The following GRIK2 variants were observed in gnomAD, a reference collection of about 807,000 sequenced individuals.
The protein encoded by GRIK2 is glutamate receptor ionotropic, kainate 2.
Under a neutral mutation model 100.3 loss-of-function variants are expected in GRIK2, and 32 were observed. The ratio of observed to expected loss-of-function variants is 0.32; its 90% CI spans 0.24 to 0.43. The LOEUF is 0.43. Ranked by LOEUF, GRIK2 falls within the 20% of genes least tolerant of loss-of-function variation. The pLI is 1.00. For synonymous variants in GRIK2, 417 were observed against 389.4 expected (o/e 1.07, Z -0.83); for missense variants, 843 against 1,114.9 (o/e 0.76, Z 3.47).
chr6:101,959,033 G>A (rs1171941706), intron 14 of GRIK2, among the ~76,000 whole-genome samples: 1 of 152,008 alleles, frequency 6.6e-6, no homozygotes, highest in East Asian at 1.9e-4. Flanking sequence ...GGGTGATACT[G>A]GCTTCATAGA....
At chr6:101,762,235 C>A (rs981391171) in intron 7 of GRIK2, among the ~76,000 whole-genome samples, 27 of 151,674 alleles carry the variant, frequency 1.8e-4, no homozygotes, top group African/African-American at 6.3e-4. Context: ...AGTAGAGTGG[C>A]ACTATCATAA....
chr6:101,866,451 C>T (rs1328622320), intron 11 of GRIK2, among the ~76,000 whole-genome samples: 4 of 152,030 alleles, frequency 2.6e-5, no homozygotes, highest in East Asian at 1.9e-4. Flanking sequence ...AATATATGAA[C>T]AAGGAATTGT....
chr6:101,899,665 G>C (rs1173522640), intron 12 of GRIK2, among the ~76,000 whole-genome samples: 1 of 152,042 alleles, frequency 6.6e-6, no homozygotes, highest in Non-Finnish European at 1.5e-5. Context: ...ATGATAAAAT[G>C]AGATGAACGC....
chr6:101,901,877 G>T (rs1787867174), intron 12 of GRIK2, among the ~76,000 whole-genome samples: 1 of 151,742 alleles, frequency 6.6e-6, no homozygotes, highest in Non-Finnish European at 1.5e-5. Flanking sequence ...AATTCATTTG[G>T]ATCTACTAAA....
At chr6:101,821,206 C>T (rs1447736757) in intron 10 of GRIK2, among the ~76,000 whole-genome samples, 2 of 152,072 alleles carry the variant, frequency 1.3e-5, no homozygotes, top group African/African-American at 4.8e-5. Context: ...CATATAATTT[C>T]TCAATCTTGC....
At chr6:101,791,112 G>T (rs1434860512) in intron 7 of GRIK2, among the ~76,000 whole-genome samples, 11 of 151,710 alleles carry the variant, frequency 7.3e-5, no homozygotes, top group African/African-American at 2.2e-4. Context: ...TTCTTTATTA[G>T]TCTTGCTAGC....
chr6:101,584,587 G>T (rs1778262293), intron 2 of GRIK2, among the ~76,000 whole-genome samples: 1 of 151,920 alleles, frequency 6.6e-6, no homozygotes, highest in Admixed American at 6.6e-5. Context: ...TCAAAAGAAT[G>T]AATCATTTCT....
intron 7 of GRIK2, among the ~76,000 whole-genome samples, chr6:101,766,330 A>G (rs1290716322): frequency 1.3e-5 from 2 of 152,084 alleles, no homozygotes; most frequent in Non-Finnish European, 2.9e-5. Context: ...TCTAATCATG[A>G]CCTCAATTTT....
intron 14 of GRIK2, among the ~76,000 whole-genome samples, chr6:102,033,525 G>A (rs1457718722): frequency 6.6e-6 from 1 of 151,212 alleles, no homozygotes; most frequent in African/African-American, 2.4e-5. Context: ...TTAAACCCAT[G>A]TTTATTTTGG....
At chr6:101,666,435 T>G (rs915756235) in intron 4 of GRIK2, among the ~76,000 whole-genome samples, 12 of 152,232 alleles carry the variant, frequency 7.9e-5, no homozygotes, top group Non-Finnish European at 1.5e-4. Flanking sequence ...TTGGCTGACC[T>G]GTAGTCTCCA....
chr6:101,442,295 A>G (rs961822247), intron 2 of GRIK2, among the ~76,000 whole-genome samples: 1 of 152,128 alleles, frequency 6.6e-6, no homozygotes, highest in African/African-American at 2.4e-5. Context: ...AACACAGCAA[A>G]GTGAGATGGG....
At chr6:101,912,231 A>C (rs1472779588) in intron 12 of GRIK2, among the ~76,000 whole-genome samples, 1 of 151,504 alleles carries the variant, frequency 6.6e-6, no homozygotes, top group East Asian at 1.9e-4. Context: ...ATCCTAAAAC[A>C]TTATTTAAAA....
At position 101,916,685 on chromosome 6, in the gene GRIK2, T is replaced by C. The variant is rs575517797; in HGVS notation, c.1749-7916T>C. 2.6e-5 allele frequency among the ~76,000 whole-genome samples: 4 copies of C among 151,770 alleles called. No homozygotes were observed. In the South Asian group the frequency reaches 8.3e-4, roughly 31 times the overall value. On this transcript the variant is annotated intron_variant, in intron 12 of 16. Transcript: ENST00000369134. ...GTGCACTTCAGAGATACCTGATTTATACAAAACTGAATTTTTATACTAATG... is the reference window on the plus strand; with the variant it reads ...GTGCACTTCAGAGATACCTGATTTACACAAAACTGAATTTTTATACTAATG...
intron 2 of GRIK2, among the ~76,000 whole-genome samples, chr6:101,406,068 G>A (rs530931744): frequency 6.6e-6 from 1 of 152,242 alleles, no homozygotes; most frequent in East Asian, 1.9e-4. Context: ...CACCAAATAA[G>A]TAAGGTTTAT....
At chr6:101,984,617 A>ACACACACG (rs1793911291) in intron 14 of GRIK2, among the ~76,000 whole-genome samples, 1 of 135,080 alleles carries the variant, frequency 7.4e-6, no homozygotes, top group Admixed American at 7.2e-5. Flanking sequence ...ACATTAAAAC[A>ACACACACG]CACACACACA....
chr6:101,394,543 C>T (rs1774926893), intron 1 of GRIK2, among the ~76,000 whole-genome samples: 1 of 152,108 alleles, frequency 6.6e-6, no homozygotes, highest in Admixed American at 6.5e-5. Flanking sequence ...TATTAGTAGC[C>T]TTTTGGTAAT....
chr6:101,909,379 T>TGTTTTG (rs1554284525), intron 12 of GRIK2, among the ~76,000 whole-genome samples: 2 of 81,984 alleles, frequency 2.4e-5, no homozygotes, highest in African/African-American at 6.4e-5. Context: ...GGGTTTTCTT[T>TGTTTTG]TTCTTTTTTT....
chr6:102,053,357 C>A (rs1771302001), intron 15 of GRIK2, among the ~76,000 whole-genome samples: 1 of 152,010 alleles, frequency 6.6e-6, no homozygotes, highest in African/African-American at 2.4e-5. Context: ...CTAGATATAG[C>A]AAATTAATAA....
chr6:101,825,867 C>T (rs1426406899), intron 10 of GRIK2, among the ~76,000 whole-genome samples: 1 of 152,026 alleles, frequency 6.6e-6, no homozygotes, highest in East Asian at 1.9e-4. Context: ...GGACCATATA[C>T]ACTTGTACAA....
Sources: allele counts gnomAD v4.1 joint callset (sites outside exome capture counted in the v4.1 genomes callset), GRCh38; gene constraint gnomAD v4.1.1; transcripts MANE v1.5; gene names NCBI Gene and HGNC (gene_info 2026-07-23, HGNC 2026-07-21).